VSNL1: variants seen among roughly 807,000 people sequenced by gnomAD.
VSNL1 encodes the protein visinin-like protein 1.
VSNL1 carries 6 observed loss-of-function variants against 20.4 expected under a neutral mutation model. The observed-to-expected ratio is 0.29, with a 90% confidence interval of 0.16 to 0.58. The LOEUF is 0.58. Ranked by LOEUF, VSNL1 falls within the 20% of genes least tolerant of loss-of-function variation. VSNL1 has a pLI of 0.90. For synonymous variants in VSNL1, 93 were observed against 86.4 expected (o/e 1.08, Z -0.42); for missense variants, 100 against 234.5 (o/e 0.43, Z 3.75).
At chr2:17,558,154 A>G (rs539364685) in intron 1 of VSNL1, among the ~76,000 whole-genome samples, 6 of 152,312 alleles carry the variant, frequency 3.9e-5, no homozygotes, top group Admixed American at 3.9e-4. Context: ...TGAGAGCAGG[A>G]GAATACTTTG....
At chr2:17,582,978 G>A (rs1043272957) in intron 1 of VSNL1, among the ~76,000 whole-genome samples, 4 of 152,052 alleles carry the variant, frequency 2.6e-5, no homozygotes, top group African/African-American at 9.7e-5. Flanking sequence ...CTTCTATAAA[G>A]CCACCTTCAT....
intron 1 of VSNL1, among the ~76,000 whole-genome samples, chr2:17,566,305 C>T (rs1324133250): frequency 2.6e-5 from 4 of 152,140 alleles, no homozygotes; most frequent in Non-Finnish European, 4.4e-5. Flanking sequence ...GCATCTTCTG[C>T]TGTATTAAAT....
intron 1 of VSNL1, among the ~76,000 whole-genome samples, chr2:17,543,266 G>A (rs1156964806): frequency 6.6e-6 from 1 of 152,190 alleles, no homozygotes; most frequent in Non-Finnish European, 1.5e-5. Flanking sequence ...GGCGTTTGCC[G>A]GGAGCACTAG....
intron 2 of VSNL1, among the ~76,000 whole-genome samples, chr2:17,621,869 T>TA (rs1665368738): frequency 6.6e-6 from 1 of 152,220 alleles, no homozygotes; most frequent in African/African-American, 2.4e-5. Context: ...GGTACTCTGA[T>TA]CCTCCAGCCT....
rs1352211760 is a variant in VSNL1 at position 17,570,141 on chromosome 2, C to G, written c.-5-21929C>G. On this transcript the variant is annotated intron_variant, in intron 1 of 3. Transcript: ENST00000295156. ...TACAGTGAAGAGATTGACCTCTTCTCTTTTCACTTCCATTATCAGCAGGAG... is the reference window on the plus strand; with the variant it reads ...TACAGTGAAGAGATTGACCTCTTCTGTTTTCACTTCCATTATCAGCAGGAG... Among the ~76,000 whole-genome samples, 3 of 152,180 alleles carry G rather than the reference C, an allele frequency of 2.0e-5. No homozygotes were observed. The East Asian group carries it at 5.8e-4, about 29-fold the overall frequency.
chr2:17,591,744 G>C lies in VSNL1; in HGVS notation c.-5-326G>C, dbSNP rs545712703. ...TGTTAATAAAGTGTAATTTGTAGAA[G>C]GAAAAGAAAAACAACTTCTATATGC... On this transcript the variant is annotated intron_variant, in intron 1 of 3. Transcript: ENST00000295156. 2.6e-5 allele frequency among the ~76,000 whole-genome samples: 4 copies of C among 152,042 alleles called. No homozygotes were observed. The East Asian group carries it at 7.7e-4, about 29-fold the overall frequency.
At chr2:17,545,072 A>C (rs1663377036) in intron 1 of VSNL1, among the ~76,000 whole-genome samples, 1 of 152,140 alleles carries the variant, frequency 6.6e-6, no homozygotes, top group Non-Finnish European at 1.5e-5. Context: ...GATTTTAATG[A>C]CCTTTTAAAA....
chr2:17,636,247 G>T (rs1347961591), intron 2 of VSNL1, among the ~76,000 whole-genome samples: 2 of 151,878 alleles, frequency 1.3e-5, no homozygotes, highest in Non-Finnish European at 2.9e-5. Context: ...ATTCCACCAA[G>T]CTCCAAGCAA....
In VSNL1 at chr2:17,656,913, A is replaced by G. The variant is rs564669185; in HGVS notation, c.*1519A>G. The G allele has an allele frequency of 3.5e-4, 54 of 152,340 alleles. No individual in the cohort carries two copies. The highest frequency in any genetic ancestry group is 1.3e-3 in the African/African-American group (54 of 41,576). The allele number at this position is 152,340 out of a possible 1,614,324, so 9.4% of individuals were successfully genotyped here. ...TTAGTAACAGACAGTTTAGTGCTAT[A>G]TTATTTATTCAAGTACTTTTTATCA... On this transcript the variant is annotated 3_prime_UTR_variant, in exon 4 of 4. Transcript: ENST00000295156.
At chr2:17,602,681 A>G (rs1664848809) in intron 2 of VSNL1, among the ~76,000 whole-genome samples, 1 of 152,150 alleles carries the variant, frequency 6.6e-6, no homozygotes, top group South Asian at 2.1e-4. Flanking sequence ...CGGCAGTTGC[A>G]TTGAGCCAAG....
intron 1 of VSNL1, among the ~76,000 whole-genome samples, chr2:17,564,071 C>T (rs1013675901): frequency 2.0e-5 from 3 of 151,890 alleles, no homozygotes; most frequent in Non-Finnish European, 4.4e-5. Flanking sequence ...TGTCAAGCAT[C>T]GTAAAATAAA....
intron 1 of VSNL1, among the ~76,000 whole-genome samples, chr2:17,566,754 CTG>C (rs1301973742): frequency 6.6e-6 from 1 of 152,144 alleles, no homozygotes; most frequent in Non-Finnish European, 1.5e-5. Flanking sequence ...ATTTAAAATA[CTG>C]TGTTAAGTTT....
intron 2 of VSNL1, among the ~76,000 whole-genome samples, chr2:17,615,830 G>A (rs1204015153): frequency 6.6e-6 from 1 of 152,206 alleles, no homozygotes; most frequent in Non-Finnish European, 1.5e-5. Flanking sequence ...TTTCCAAAAA[G>A]TGCCTTCTAC....
chr2:17,598,556 A>G lies in VSNL1; in HGVS notation c.162+6320A>G, dbSNP rs542240098. Among the ~76,000 whole-genome samples, 52 of 152,348 alleles carry G rather than the reference A, an allele frequency of 3.4e-4. 2 individuals carry two copies. The South Asian group carries it at 0.01, about 30-fold the overall frequency. On this transcript the variant is annotated intron_variant, in intron 2 of 3. Coordinates refer to ENST00000295156, the MANE Select transcript of VSNL1 (RefSeq NM_003385.5). ...CAGGTGGTTCTAAAGGACAAAATCT[A>G]TAAGTGACATTTTGAAAAACACTAA...
chr2:17,645,313 C>A (rs1206496593), intron 2 of VSNL1, among the ~76,000 whole-genome samples: 4 of 152,276 alleles, frequency 2.6e-5, no homozygotes, highest in African/African-American at 9.6e-5. Flanking sequence ...ACCCCACCCC[C>A]ACCCAAAGGT....
At chr2:17,570,290 T>C (rs777518976) in intron 1 of VSNL1, among the ~76,000 whole-genome samples, 7 of 152,222 alleles carry the variant, frequency 4.6e-5, no homozygotes, top group Non-Finnish European at 8.8e-5. Flanking sequence ...TTAACAAAAC[T>C]GTACTTAAAT....
intron 2 of VSNL1, among the ~76,000 whole-genome samples, chr2:17,604,946 C>T (rs1432390460): frequency 6.6e-6 from 1 of 152,132 alleles, no homozygotes; most frequent in African/African-American, 2.4e-5. Flanking sequence ...GCTTGGAATA[C>T]GTGTTAAGTA....
At chr2:17,591,010 A>G (rs1177742259) in intron 1 of VSNL1, among the ~76,000 whole-genome samples, 1 of 152,128 alleles carries the variant, frequency 6.6e-6, no homozygotes, top group African/African-American at 2.4e-5. Flanking sequence ...TAGTCTTATT[A>G]TTATTTATTA....
chr2:17,655,675 C>G lies in VSNL1; in HGVS notation c.*281C>G, dbSNP rs558566067. ...ATAAAAATCCCTCTTCCTCCAAAGC[C>G]TGGGCAGAAATGTGCTGCAAAGAGT... On this transcript the variant is annotated 3_prime_UTR_variant, in exon 4 of 4. Coordinates refer to ENST00000295156, the MANE Select transcript of VSNL1 (RefSeq NM_003385.5). This position sits in a 1 kb window ranked among gnomAD's most constrained non-coding sequence, Gnocchi z 5.2. 2.2e-4 allele frequency: 72 copies of G among 327,972 alleles called. 1 individual carries two copies. The highest frequency in any genetic ancestry group is 1.4e-3 in the African/African-American group (67 of 47,336). 20.3% of individuals were successfully genotyped at this position (327,972 alleles called of 1,614,324 possible). A position where few individuals can be genotyped will look rare whatever the true frequency, so the allele number is the denominator to read the frequency against.
Sources: allele counts gnomAD v4.1 joint callset (sites outside exome capture counted in the v4.1 genomes callset), GRCh38; gene constraint gnomAD v4.1.1; non-coding constraint Gnocchi (gnomAD v3.1); transcripts MANE v1.5; gene names NCBI Gene and HGNC (gene_info 2026-07-23, HGNC 2026-07-21).